Variants in SI observed in about 807,000 individuals in gnomAD.
The protein encoded by SI is sucrase-isomaltase.
Under a neutral mutation model 253.3 loss-of-function variants are expected in SI, and 235 were observed. That is an observed-to-expected ratio of 0.93 (90% CI 0.83 to 1.03). The LOEUF (loss-of-function observed/expected upper bound fraction) is 1.03, where lower values mean the gene tolerates loss of function less well. Among genes scored for constraint, SI ranks in the 50% least tolerant of loss-of-function variants. The probability of loss-of-function intolerance (pLI) is 0.00; values close to 1 mark genes in which losing one functional copy is unlikely to be tolerated. For synonymous variants in SI, 819 were observed against 712.0 expected (o/e 1.15, Z -2.39); for missense variants, 2,442 against 2,211.1 (o/e 1.10, Z -2.09).
chr3:164,999,232 A>G (rs1350027421), intron 37 of SI, among the ~76,000 whole-genome samples: 1 of 151,784 alleles, frequency 6.6e-6, no homozygotes, highest in Admixed American at 6.6e-5. Flanking sequence ...TCTCAACAGA[A>G]TGGGTTGTGT....
intron 25 of SI, 28 bp downstream of exon 25, chr3:165,030,684 C>T (rs772292078): frequency 6.2e-7 from 1 of 1,602,574 alleles, no homozygotes; most frequent in Non-Finnish European, 8.5e-7. Context: ...ATAACCATAT[C>T]ATGAGTAATA....
intron 8 of SI, 128 bp from the exon 9 acceptor site, chr3:165,062,611 T>A (rs1714041840): frequency 1.7e-6 from 1 of 605,488 alleles, no homozygotes; most frequent in African/African-American, 1.9e-5. Context: ...AATTAAGAAA[T>A]AATGAAATAT....
In SI at chr3:165,039,202, G is replaced by A. The variant is rs986783537; in HGVS notation, c.2245-68C>T. On this transcript the variant is annotated intron_variant, in intron 19 of 47. Transcript: ENST00000264382. ...CAAGGAGGATCTTATCAAATATTAAGTTGGGTTTTCATAGTCAAGGGAAAA... is the reference window on the plus strand; with the variant it reads ...CAAGGAGGATCTTATCAAATATTAAATTGGGTTTTCATAGTCAAGGGAAAA... 3.5e-6 allele frequency: 4 copies of A among 1,130,114 alleles called. 1 individual carries two copies. Among genetic ancestry groups the A allele is most frequent in the Middle Eastern group, 4.5e-4 (2 of 4,418 alleles). 70.0% of individuals were successfully genotyped at this position (1,130,114 alleles called of 1,614,324 possible). A position where few individuals can be genotyped will look rare whatever the true frequency, so the allele number is the denominator to read the frequency against.
chr3:164,989,389 G>GACAGA (rs1717608830), intron 44 of SI, among the ~76,000 whole-genome samples: 1 of 59,428 alleles, frequency 1.7e-5, no homozygotes, highest in Non-Finnish European at 3.6e-5. Flanking sequence ...AGAAAGAAAG[G>GACAGA]AAGAAAGAAA....
At chr3:165,030,980 C>T in intron 24 of SI, 113 bp from the exon 25 acceptor site, 1 of 1,383,890 alleles carries the variant, frequency 7.2e-7, no homozygotes, top group East Asian at 2.6e-5. Flanking sequence ...TTACATTTCA[C>T]AAAATGTGGC....
chr3:165,039,959 ATCC>A lies in SI; in HGVS notation c.2169_2171del (p.Glu723del), dbSNP rs1243972548. 6.2e-7 allele frequency: 1 copy of A among 1,612,388 alleles called. No individual in the cohort carries two copies. The highest frequency in any genetic ancestry group is 1.3e-5 in the African/African-American group (1 of 74,976). On this transcript the variant is annotated inframe_deletion, in exon 19 of 48. Transcript: ENST00000264382. The stretch of plus-strand genomic sequence containing the variant: ...CAGTGTCCTCAATCCAGCTGTTCGT[ATCC>A]TCATAAAACCTAAGAACAATGACAA...
At chr3:165,017,203 C>T (rs1473572553) in intron 31 of SI, among the ~76,000 whole-genome samples, 1 of 151,790 alleles carries the variant, frequency 6.6e-6, no homozygotes, top group Admixed American at 6.6e-5. Context: ...GATTTCTTAT[C>T]TTATTGATGA....
chr3:165,023,008 T>C (rs1711709096), intron 26 of SI, among the ~76,000 whole-genome samples: 1 of 151,590 alleles, frequency 6.6e-6, no homozygotes, highest in South Asian at 2.1e-4. Flanking sequence ...AGTTTGCTAA[T>C]GAGATTTGTT....
At chr3:164,981,735 T>C (rs868794271) in intron 47 of SI, among the ~76,000 whole-genome samples, 2 of 152,258 alleles carry the variant, frequency 1.3e-5, no homozygotes, top group African/African-American at 4.8e-5. Context: ...GATAGAATAA[T>C]AGGCCTAAAA....
chr3:165,046,390 A>G (rs1713116124), intron 16 of SI, among the ~76,000 whole-genome samples: 1 of 98,644 alleles, frequency 1.0e-5, no homozygotes, highest in African/African-American at 3.2e-5. Context: ...TCCACTTTTG[A>G]AATTTTAAAC....
intron 26 of SI, among the ~76,000 whole-genome samples, chr3:165,021,745 T>C (rs1445822124): frequency 6.6e-6 from 1 of 151,648 alleles, no homozygotes; most frequent in East Asian, 1.9e-4. Context: ...ATACATATTA[T>C]TATACAATAA....
upstream of SI, among the ~76,000 whole-genome samples, chr3:165,082,156 C>T (rs547019890): frequency 6.6e-6 from 1 of 152,038 alleles, no homozygotes; most frequent in African/African-American, 2.4e-5. Flanking sequence ...TCCATCAAGA[C>T]AATTCTTTAT....
rs958570838 is a variant in SI, at chr3:165,023,732, T to A, written c.2937A>T (p.Gln979His). ...CTGAGTTGACTGAATAAGAGTTATC[T>A]TGTCTGGGAAAGTAACACTCAGGTG... is the stretch of plus-strand genomic sequence containing the variant. ...SKAPECYFPRQDNSYSVNSAR... is the reference protein window; with the variant it reads ...SKAPECYFPRHDNSYSVNSAR... The change falls in exon 26 of 48, where the codon CAA (glutamine) becomes CAT (histidine). Residue 979 changes from glutamine to histidine, a missense_variant. Coordinates refer to ENST00000264382, the MANE Select transcript of SI (RefSeq NM_001041.4). 5 of 1,610,560 alleles carry A rather than the reference T, an allele frequency of 3.1e-6. No individual in the cohort carries two copies. The highest frequency in any genetic ancestry group is 4.2e-6 in the Non-Finnish European group (5 of 1,177,824).
At chr3:165,051,874 T>G (rs901216516) in intron 13 of SI, among the ~76,000 whole-genome samples, 1 of 151,994 alleles carries the variant, frequency 6.6e-6, no homozygotes, top group African/African-American at 2.4e-5. Flanking sequence ...GAAAATAATT[T>G]TAAAAATATT....
chr3:165,021,934 A>G (rs1711642299), intron 26 of SI, among the ~76,000 whole-genome samples: 1 of 151,634 alleles, frequency 6.6e-6, no homozygotes, highest in African/African-American at 2.4e-5. Context: ...ATGCTAATTT[A>G]TGTTAAATTA....
rs2108228168 is a variant in SI, at chr3:165,046,777, AG to A, written c.1887+63del. The A allele has an allele frequency of 3.1e-6, 4 of 1,292,740 alleles. No individual in the cohort carries two copies. The South Asian group carries it at 5.0e-5, about 16-fold the overall frequency. The allele number at this position is 1,292,740 out of a possible 1,614,324, so 80.1% of individuals were successfully genotyped here. The stretch of plus-strand genomic sequence containing the variant: ...TTGATCATTTTACTAAAATTAATTA[AG>A]ATTACATTAAAAATTAATGTAATTG... On this transcript the variant is annotated intron_variant, in intron 16 of 47. Transcript: ENST00000264382.
chr3:165,077,792 G>A (rs1172875483), intron 1 of SI, among the ~76,000 whole-genome samples: 3 of 151,396 alleles, frequency 2.0e-5, no homozygotes, highest in Non-Finnish European at 3.0e-5. Context: ...CTTAAAAAAT[G>A]CATTTTTGTC....
intron 9 of SI, among the ~76,000 whole-genome samples, chr3:165,061,045 G>A (rs9857256): frequency 0.58 from 87,830 of 150,814 alleles, 25,946 homozygotes; most frequent in East Asian, 0.81. Flanking sequence ...AAGCTCTCAA[G>A]AATTAGTATG....
In SI at chr3:164,998,450, G is replaced by C. The variant is rs1010102325; in HGVS notation, c.4540+90C>G. ...TACGATGTGAAGAACAAAATTCTGA[G>C]GACTTATAAATGTTATGACCTAGCA... On this transcript the variant is annotated intron_variant, in intron 38 of 47. Transcript: ENST00000264382. 5 of 1,357,576 alleles carry C rather than the reference G, an allele frequency of 3.7e-6. No individual in the cohort carries two copies. The African/African-American group carries it at 7.2e-5, about 20-fold the overall frequency. The allele number at this position is 1,357,576 out of a possible 1,614,324, so 84.1% of individuals were successfully genotyped here.
Sources: allele counts gnomAD v4.1 joint callset (sites outside exome capture counted in the v4.1 genomes callset), GRCh38; gene constraint gnomAD v4.1.1; transcripts MANE v1.5; gene names NCBI Gene and HGNC (gene_info 2026-07-23, HGNC 2026-07-21).